Variants in AMOTL1 observed in about 807,000 individuals in gnomAD.
AMOTL1 encodes the protein angiomotin-like protein 1.
Under a neutral mutation model 102.9 loss-of-function variants are expected in AMOTL1, and 45 were observed. The observed-to-expected ratio is 0.44, with a 90% CI of 0.34 to 0.56. The LOEUF is 0.56. Ranked by LOEUF, AMOTL1 falls within the 20% of genes least tolerant of loss-of-function variation. AMOTL1 has a pLI of 0.01. For synonymous variants in AMOTL1, 481 were observed against 484.7 expected (o/e 0.99, Z 0.10); for missense variants, 1,114 against 1,225.6 (o/e 0.91, Z 1.36).
At chr11:94,780,116 G>A (rs1188130189) in intron 1 of AMOTL1, among the ~76,000 whole-genome samples, 28 of 152,158 alleles carry the variant, frequency 1.8e-4, no homozygotes, top group Admixed American at 1.8e-3. Context: ...TGGAACAAAG[G>A]TGCTAGGGAG....
chr11:94,717,703 T>A (rs1950117152), intron 1 of AMOTL1, among the ~76,000 whole-genome samples: 1 of 151,894 alleles, frequency 6.6e-6, no homozygotes, highest in African/African-American at 2.4e-5. Context: ...TACATTTAAT[T>A]ATCTAAAATA....
intron 3 of AMOTL1, among the ~76,000 whole-genome samples, chr11:94,757,273 C>A (rs947571255): frequency 3.9e-5 from 6 of 152,074 alleles, no homozygotes; most frequent in African/African-American, 1.2e-4. Context: ...AAGCACTGGA[C>A]TAAGAGCTTT....
At chr11:94,727,191 C>T (rs1950274996) in intron 1 of AMOTL1, among the ~76,000 whole-genome samples, 1 of 152,134 alleles carries the variant, frequency 6.6e-6, no homozygotes, top group African/African-American at 2.4e-5. Flanking sequence ...GGAGTCTCTA[C>T]TTCACTTCCC....
intron 11 of AMOTL1, 67 bp downstream of exon 11, chr11:94,866,235 T>C (rs1952881034): frequency 6.7e-7 from 1 of 1,485,760 alleles, no homozygotes; most frequent in Admixed American, 1.8e-5. Flanking sequence ...CTGCCACTCA[T>C]GGGACACGGA....
intron 2 of AMOTL1, among the ~76,000 whole-genome samples, chr11:94,733,482 C>T (rs1950388214): frequency 6.6e-6 from 1 of 152,230 alleles, no homozygotes; most frequent in Admixed American, 6.5e-5. Flanking sequence ...CTTTCTACCA[C>T]CCACACTATG....
intron 3 of AMOTL1, among the ~76,000 whole-genome samples, chr11:94,800,641 T>C (rs1300066499): frequency 6.6e-6 from 1 of 152,174 alleles, no homozygotes; most frequent in Non-Finnish European, 1.5e-5. Context: ...TCCAAACTCC[T>C]GGAACATATT....
At chr11:94,746,949 G>A (rs538602726) in intron 3 of AMOTL1, among the ~76,000 whole-genome samples, 127 of 152,002 alleles carry the variant, frequency 8.4e-4, no homozygotes, top group African/African-American at 2.6e-3. Context: ...GGTGTGACCC[G>A]TGAGACACTT....
intron 3 of AMOTL1, among the ~76,000 whole-genome samples, chr11:94,749,394 C>T (rs1369346879): frequency 6.6e-6 from 1 of 152,192 alleles, no homozygotes; most frequent in Non-Finnish European, 1.5e-5. Context: ...GGTGCCTATC[C>T]ACATTGAAGG....
At chr11:94,844,561 G>A (rs535781983) in intron 6 of AMOTL1, among the ~76,000 whole-genome samples, 1 of 152,356 alleles carries the variant, frequency 6.6e-6, no homozygotes, top group South Asian at 2.1e-4. Context: ...CCTAGTGAGG[G>A]CCTTGTGCTC....
At chr11:94,718,547 G>C (rs1410503639) in intron 1 of AMOTL1, among the ~76,000 whole-genome samples, 2 of 151,858 alleles carry the variant, frequency 1.3e-5, no homozygotes, top group African/African-American at 4.8e-5. Context: ...ACCAAAGTTA[G>C]AGAATATCTG....
chr11:94,866,641 G>T (rs1299720894), intron 11 of AMOTL1: 1 of 177,312 alleles, frequency 5.6e-6, no homozygotes, highest in Non-Finnish European at 1.2e-5. Flanking sequence ...ACCCCATGGG[G>T]CGTGGGAGGG....
chr11:94,826,874 A>G (rs1182223127), intron 4 of AMOTL1, among the ~76,000 whole-genome samples: 4 of 152,170 alleles, frequency 2.6e-5, no homozygotes, highest in African/African-American at 4.8e-5. Flanking sequence ...GTTCTGAACT[A>G]AGATCCTTGT....
In AMOTL1 at chr11:94,795,126, G is replaced by A. The variant is rs754454886; in HGVS notation, c.165G>A (p.Thr55=). The A allele has an allele frequency of 4.3e-6, 7 of 1,613,726 alleles. No individual in the cohort carries two copies. The highest frequency in any genetic ancestry group is 1.6e-4 in the Middle Eastern group (1 of 6,082). ...YSGRHETSAL[T]VEATSSIREK... ...GGAGGCATGAAACATCTGCTTTGAC[G>A]GTGGAGGCAACCAGTAGCATCAGGG... The change falls in exon 2 of 13, where the codon ACG becomes ACA. Residue 55 remains threonine, a synonymous_variant. Transcript: ENST00000433060.
Position 94,876,018 on chromosome 11 carries a change from C to T in AMOTL1, c.*5223C>T, listed in dbSNP as rs1953088902. The T allele has an allele frequency of 6.6e-6, 1 of 152,582 alleles. No homozygotes were observed. Among genetic ancestry groups the T allele is most frequent in the Non-Finnish European group, 1.5e-5 (1 of 68,034 alleles). 9.5% of individuals were successfully genotyped at this position (152,582 alleles called of 1,614,324 possible). A position where few individuals can be genotyped will look rare whatever the true frequency, so the allele number is the denominator to read the frequency against. On this transcript the variant is annotated 3_prime_UTR_variant, in exon 13 of 13. Transcript: ENST00000433060. The stretch of plus-strand genomic sequence containing the variant: ...TCTTTGTCATGAAACTTTGCTTCTT[C>T]ACAGAATTAGAATACTGCTCTCTCT...
At chr11:94,840,681 TACACACACAC>T (rs111907230) in intron 6 of AMOTL1, among the ~76,000 whole-genome samples, 2 of 104,808 alleles carry the variant, frequency 1.9e-5, no homozygotes, top group Non-Finnish European at 3.6e-5. Flanking sequence ...TATATATATA[TACACACACAC>T]ACACACACAC....
chr11:94,740,927 T>G, intron 2 of AMOTL1: 2 of 1,289,138 alleles, frequency 1.6e-6, no homozygotes, highest in South Asian at 2.5e-5. Context: ...TCTGCTTTTC[T>G]TCTCCCCCAG....
intron 6 of AMOTL1, 74 bp downstream of exon 6, chr11:94,831,615 G>A: frequency 7.7e-7 from 1 of 1,304,294 alleles, no homozygotes; most frequent in Non-Finnish European, 1.1e-6. Flanking sequence ...AATCATATTA[G>A]TTTCAAGTGG....
chr11:94,837,036 A>C (rs960565344), intron 6 of AMOTL1, among the ~76,000 whole-genome samples: 3 of 152,206 alleles, frequency 2.0e-5, no homozygotes, highest in Non-Finnish European at 4.4e-5. Flanking sequence ...AGGATTGTCC[A>C]AGAAGCCTGC....
At chr11:94,742,695 GTGT>G (rs1161010450) in intron 3 of AMOTL1, among the ~76,000 whole-genome samples, 2 of 152,162 alleles carry the variant, frequency 1.3e-5, no homozygotes, top group African/African-American at 4.8e-5. Context: ...TAGTCCATTT[GTGT>G]TGTTATATCA....
Sources: gnomAD v4.1 joint callset for allele counts (sites outside exome capture counted in the v4.1 genomes callset) on GRCh38, gnomAD v4.1.1 for gene constraint, MANE v1.5 for transcripts, NCBI Gene and HGNC (gene_info 2026-07-23, HGNC 2026-07-21) for gene names.